The following CNTN1 variants were observed in gnomAD, a reference collection of about 807,000 sequenced individuals.
CNTN1 encodes contactin-1.
Under a neutral mutation model 126.4 loss-of-function variants are expected in CNTN1, and 38 were observed. The observed-to-expected ratio is 0.30, with a 90% CI of 0.23 to 0.39. CNTN1 has a LOEUF of 0.39. Among genes scored for constraint, CNTN1 ranks in the 10% least tolerant of loss-of-function variants. The pLI, the probability that CNTN1 is intolerant of heterozygous loss-of-function variation, is 1.00. For missense variants in CNTN1, 1,009 were observed against 1,248.4 expected (o/e 0.81, Z 2.89); for synonymous variants, 413 against 422.6 (o/e 0.98, Z 0.28).
intron 1 of CNTN1, among the ~76,000 whole-genome samples, chr12:40,874,685 A>G (rs137894762): frequency 6.6e-6 from 1 of 152,300 alleles, no homozygotes; most frequent in East Asian, 1.9e-4. Context: ...AAACTAGAAT[A>G]AGTCTATTGT....
At chr12:40,761,070 G>A (rs915880173) in intron 1 of CNTN1, among the ~76,000 whole-genome samples, 1 of 152,086 alleles carries the variant, frequency 6.6e-6, no homozygotes, top group African/African-American at 2.4e-5. Flanking sequence ...TATCATACAT[G>A]TAGCATTTCA....
intron 19 of CNTN1, among the ~76,000 whole-genome samples, chr12:41,019,236 T>G (rs1379969772): frequency 2.0e-5 from 3 of 152,254 alleles, no homozygotes; most frequent in Non-Finnish European, 2.9e-5. Context: ...ATCTTACAGA[T>G]AAAATGAGTG....
chr12:40,870,172 T>C (rs1943435307), intron 1 of CNTN1, among the ~76,000 whole-genome samples: 1 of 151,712 alleles, frequency 6.6e-6, no homozygotes, highest in Non-Finnish European at 1.5e-5. Flanking sequence ...AAATCTCTTT[T>C]TTTTTTTTCT....
intron 1 of CNTN1, among the ~76,000 whole-genome samples, chr12:40,771,120 T>G (rs1046101111): frequency 6.6e-6 from 1 of 152,066 alleles, no homozygotes; most frequent in African/African-American, 2.4e-5. Flanking sequence ...TTCAATAGGA[T>G]CTCATGAAAC....
intron 23 of CNTN1, among the ~76,000 whole-genome samples, chr12:41,051,893 A>AACACAC (rs71078300): frequency 7.0e-4 from 94 of 134,586 alleles, no homozygotes; most frequent in East Asian, 3.3e-3. Context: ...ACCCCACACA[A>AACACAC]ACACACACAC....
chr12:41,027,900 T>A lies in CNTN1; in HGVS notation c.2754T>A (p.Gly918=). 3 of 1,613,946 alleles carry A rather than the reference T, an allele frequency of 1.9e-6. No individual in the cohort carries two copies. Among genetic ancestry groups the A allele is most frequent in the Non-Finnish European group, 2.5e-6 (3 of 1,179,850 alleles). The change falls in exon 22 of 24, where the codon GGT becomes GGA. Residue 918 remains glycine, a synonymous_variant. Transcript: ENST00000551295. Reference sequence around the variant, plus strand: ...GGATCATCAGTTCAGTAAGGTCTGGTTCACGCTATATAATCACCTGGGATC... The same window carrying A: ...GGATCATCAGTTCAGTAAGGTCTGGATCACGCTATATAATCACCTGGGATC... ...PPRIISSVRS[G]SRYIITWDHV... is the part of the protein sequence containing the mutation.
intron 4 of CNTN1, among the ~76,000 whole-genome samples, chr12:40,919,673 A>T (rs1244981696): frequency 6.6e-6 from 1 of 152,124 alleles, no homozygotes; most frequent in Non-Finnish European, 1.5e-5. Flanking sequence ...CACCCATTTG[A>T]TTCTAACAGT....
In CNTN1 at chr12:40,792,461, T is replaced by G. The variant is rs1940253723; in HGVS notation, c.-77+99869T>G. 2.0e-5 allele frequency among the ~76,000 whole-genome samples: 3 copies of G among 150,750 alleles called. No individual in the cohort carries two copies. The South Asian group carries it at 6.3e-4, about 32-fold the overall frequency. The stretch of plus-strand genomic sequence containing the variant: ...CTTGTTTACTATTTAATGACTTTTA[T>G]TTGTCTTTCTTTTCTTCTCTGGACA... On this transcript the variant is annotated intron_variant, in intron 1 of 23. Transcript: ENST00000551295.
chr12:40,961,982 T>C (rs1405480479), intron 15 of CNTN1, among the ~76,000 whole-genome samples: 1 of 152,110 alleles, frequency 6.6e-6, no homozygotes, highest in Non-Finnish European at 1.5e-5. Context: ...CAGATATTGG[T>C]AATCTGAACT....
intron 7 of CNTN1, among the ~76,000 whole-genome samples, chr12:40,932,045 T>G (rs1386699815): frequency 6.6e-6 from 1 of 151,932 alleles, no homozygotes; most frequent in Admixed American, 6.6e-5. Flanking sequence ...ATTTCTCCTC[T>G]CCATGCTCCA....
At chr12:40,796,914 C>G (rs1940458924) in intron 1 of CNTN1, among the ~76,000 whole-genome samples, 1 of 152,036 alleles carries the variant, frequency 6.6e-6, no homozygotes, top group Non-Finnish European at 1.5e-5. Flanking sequence ...TCACTATTCT[C>G]AAGAGAAACT....
chr12:41,006,460 G>A (rs1357426142), intron 17 of CNTN1, among the ~76,000 whole-genome samples: 2 of 152,172 alleles, frequency 1.3e-5, no homozygotes, highest in African/African-American at 4.8e-5. Context: ...TTAGCTCAGG[G>A]GCTGGGTACT....
chr12:40,906,669 C>CTTTTTTTTTTTTTTTTT lies in CNTN1; in HGVS notation c.-76-1679_-76-1678insTTTTTTTTTTTTTTTTT, dbSNP rs111442544. 4.3e-4 allele frequency among the ~76,000 whole-genome samples: 46 copies of CTTTTTTTTTTTTTTTTT among 107,258 alleles called. 2 individuals are homozygous for CTTTTTTTTTTTTTTTTT. Among genetic ancestry groups the CTTTTTTTTTTTTTTTTT allele is most frequent in the African/African-American group, 6.6e-4 (18 of 27,216 alleles). The allele number at this position is 107,258 out of a possible 152,430, so 70.4% of individuals were successfully genotyped here. On this transcript the variant is annotated intron_variant, in intron 1 of 23. Coordinates refer to ENST00000551295, the MANE Select transcript of CNTN1 (RefSeq NM_001843.4). ...TTTCCTTTTAAAATTGTTTTTCATG[C>CTTTTTTTTTTTTTTTTT]TTTTTTTTTGTTTTGTTTTTTTTGA...
intron 17 of CNTN1, among the ~76,000 whole-genome samples, chr12:41,006,928 G>C (rs957210497): frequency 2.0e-5 from 3 of 151,698 alleles, no homozygotes; most frequent in African/African-American, 7.3e-5. Context: ...TAGGTGCTAA[G>C]CATACAAATC....
At position 41,070,063 on chromosome 12, in the gene CNTN1, C is replaced by A. The variant is rs1346422734; in HGVS notation, c.*28C>A. ...GTGTTGTGACAGCTGCTGTTCCCAT[C>A]CCAGCTCAGAAGACACCCTTCAACC... On this transcript the variant is annotated 3_prime_UTR_variant, in exon 24 of 24. Coordinates refer to ENST00000551295, the MANE Select transcript of CNTN1 (RefSeq NM_001843.4). 6.2e-7 allele frequency: 1 copy of A among 1,601,848 alleles called. No homozygotes were observed. The highest frequency in any genetic ancestry group is 8.6e-7 in the Non-Finnish European group (1 of 1,169,164).
intron 1 of CNTN1, among the ~76,000 whole-genome samples, chr12:40,885,366 A>G (rs749692509): frequency 1.3e-5 from 2 of 151,960 alleles, no homozygotes; most frequent in Non-Finnish European, 2.9e-5. Context: ...TGTAAAGAAC[A>G]CCATTTTTTA....
At chr12:40,813,240 A>G (rs1411045921) in intron 1 of CNTN1, among the ~76,000 whole-genome samples, 1 of 151,128 alleles carries the variant, frequency 6.6e-6, no homozygotes, top group African/African-American at 2.4e-5. Flanking sequence ...AAGAAAAAAA[A>G]AAAACAGGAT....
At chr12:40,999,697 CTTTTTTTTTTTTT>C (rs398019220) in intron 17 of CNTN1, among the ~76,000 whole-genome samples, 1 of 86,646 alleles carries the variant, frequency 1.2e-5, no homozygotes, top group Non-Finnish European at 2.1e-5. Context: ...TTCTTCTGTG[CTTTTTTTTTTTTT>C]TTTTTTTTTT....
At chr12:41,035,278 A>G (rs1949231407) in intron 23 of CNTN1, among the ~76,000 whole-genome samples, 1 of 152,230 alleles carries the variant, frequency 6.6e-6, no homozygotes, top group Non-Finnish European at 1.5e-5. Flanking sequence ...TTCTACCAGA[A>G]TAATTTTCAT....
Sources: allele counts gnomAD v4.1 joint callset (sites outside exome capture counted in the v4.1 genomes callset), GRCh38; gene constraint gnomAD v4.1.1; transcripts MANE v1.5; gene names NCBI Gene and HGNC (gene_info 2026-07-23, HGNC 2026-07-21).